The following TBC1D22A variants were observed in gnomAD, a reference collection of about 807,000 sequenced individuals.
The protein encoded by TBC1D22A is putative GTPase activator.
TBC1D22A carries 38 observed loss-of-function variants against 60.2 expected under a neutral mutation model. The ratio of observed to expected loss-of-function variants is 0.63; its 90% CI spans 0.49 to 0.83. The LOEUF (loss-of-function observed/expected upper bound fraction) is 0.83, where lower values mean the gene tolerates loss of function less well. TBC1D22A is among the 40% of genes least tolerant of loss of function. The probability of loss-of-function intolerance (pLI) is 0.00; values close to 1 mark genes in which losing one functional copy is unlikely to be tolerated. For missense variants in TBC1D22A, 628 were observed against 701.0 expected (o/e 0.90, Z 1.18); for synonymous variants, 302 against 281.7 (o/e 1.07, Z -0.72).
chr22:46,856,097 G>T (rs2087554978), intron 4 of TBC1D22A, among the ~76,000 whole-genome samples: 1 of 152,130 alleles, frequency 6.6e-6, no homozygotes, highest in Non-Finnish European at 1.5e-5. Flanking sequence ...GGTTTGTTCC[G>T]GGGGCTTCTA....
chr22:47,076,353 ATGTG>A (rs1288517301), intron 11 of TBC1D22A, among the ~76,000 whole-genome samples: 14 of 107,798 alleles, frequency 1.3e-4, no homozygotes, highest in African/African-American at 4.6e-4. Flanking sequence ...ATATATATAT[ATGTG>A]TGTGTATATA....
rs1323536011 is a variant in TBC1D22A at position 47,162,770 on chromosome 22, TGCGGACCCA to T, written c.1426-10726_1426-10718del. 1.1e-3 allele frequency among the ~76,000 whole-genome samples: 150 copies of T among 141,252 alleles called. 5 individuals are homozygous for T. Among genetic ancestry groups the T allele is most frequent in the South Asian group, 0.01 (45 of 4,486 alleles). 92.7% of individuals were successfully genotyped at this position (141,252 alleles called of 152,430 possible). ...GCAGGGAGAGTCGGGGGAGTGGGAC[TGCGGACCCA>T]GTGCAGGGAGAGTCGGGGGAGTGGG... is the stretch of plus-strand genomic sequence containing the variant. On this transcript the variant is annotated intron_variant, in intron 12 of 12. Coordinates refer to ENST00000337137, the MANE Select transcript of TBC1D22A (RefSeq NM_014346.5).
intron 4 of TBC1D22A, among the ~76,000 whole-genome samples, chr22:46,832,433 G>A (rs1390739203): frequency 6.6e-6 from 1 of 152,186 alleles, no homozygotes; most frequent in African/African-American, 2.4e-5. Flanking sequence ...AGTGGATCAC[G>A]AGGTCAGGAG....
chr22:46,768,916 A>C (rs2083389337), intron 1 of TBC1D22A, among the ~76,000 whole-genome samples: 1 of 152,018 alleles, frequency 6.6e-6, no homozygotes. Flanking sequence ...CAACATGGTG[A>C]AACCCCGTCT....
At chr22:47,043,151 C>A (rs956528840) in intron 11 of TBC1D22A, among the ~76,000 whole-genome samples, 1 of 152,236 alleles carries the variant, frequency 6.6e-6, no homozygotes, top group Non-Finnish European at 1.5e-5. Flanking sequence ...TCTCAGGCAC[C>A]TTTCAGGTGA....
chr22:46,915,880 G>A lies in TBC1D22A; in HGVS notation c.1015+3692G>A, dbSNP rs550204709. On this transcript the variant is annotated intron_variant, in intron 8 of 12. Transcript: ENST00000337137. ...AGCAGCTCTTCGGGAGTGGCTCATCGTTCTGGCTGTCAGTGGGAGGTTCCA... is the reference window on the plus strand; with the variant it reads ...AGCAGCTCTTCGGGAGTGGCTCATCATTCTGGCTGTCAGTGGGAGGTTCCA... 292 of 451,360 alleles carry A rather than the reference G, an allele frequency of 6.5e-4. 4 individuals are homozygous for A. Among genetic ancestry groups the A allele is most frequent in the South Asian group, 3.9e-3 (250 of 64,426 alleles). 28.0% of individuals were successfully genotyped at this position (451,360 alleles called of 1,614,324 possible).
chr22:47,115,705 C>G (rs2066017037), intron 12 of TBC1D22A: 1 of 152,250 alleles, frequency 6.6e-6, no homozygotes, highest in Admixed American at 6.5e-5. Flanking sequence ...CCCGCCCCTG[C>G]TGATTGGGCC....
At chr22:47,137,817 G>A (rs2066929450) in intron 12 of TBC1D22A, among the ~76,000 whole-genome samples, 1 of 152,182 alleles carries the variant, frequency 6.6e-6, no homozygotes, top group South Asian at 2.1e-4. Flanking sequence ...TGGGGAGTCG[G>A]GAGTGGAGAG....
At chr22:46,923,944 G>T (rs2070901148) in intron 8 of TBC1D22A, among the ~76,000 whole-genome samples, 1 of 152,072 alleles carries the variant, frequency 6.6e-6, no homozygotes, top group African/African-American at 2.4e-5. Flanking sequence ...CTTTCCTTTA[G>T]GCATGGTGTA....
intron 1 of TBC1D22A, among the ~76,000 whole-genome samples, chr22:46,763,523 G>C (rs2083183854): frequency 6.9e-6 from 1 of 144,488 alleles, no homozygotes; most frequent in African/African-American, 2.5e-5. Context: ...GCTATGCCAG[G>C]GCCCTAGGGA....
chr22:47,063,574 G>A (rs2063655523), intron 11 of TBC1D22A, among the ~76,000 whole-genome samples: 1 of 152,154 alleles, frequency 6.6e-6, no homozygotes, highest in Non-Finnish European at 1.5e-5. Context: ...ACTGTGTTGA[G>A]GGTGAGCCTG....
chr22:47,060,081 G>T (rs1379476368), intron 11 of TBC1D22A, among the ~76,000 whole-genome samples: 2 of 152,162 alleles, frequency 1.3e-5, no homozygotes, highest in Non-Finnish European at 2.9e-5. Flanking sequence ...GGACAGGACT[G>T]TGGCAGTTTA....
intron 1 of TBC1D22A, among the ~76,000 whole-genome samples, chr22:46,778,201 T>G (rs769483590): frequency 7.2e-5 from 11 of 152,132 alleles, no homozygotes; most frequent in African/African-American, 9.7e-5. Flanking sequence ...GTCCTCACTG[T>G]GCATCGTGTA....
chr22:46,843,309 T>C (rs995950636), intron 4 of TBC1D22A, among the ~76,000 whole-genome samples: 2 of 152,074 alleles, frequency 1.3e-5, no homozygotes, highest in Non-Finnish European at 1.5e-5. Context: ...GCTGTTGTTG[T>C]TGTCATTGAT....
At chr22:46,991,666 A>G (rs1051334246) in intron 9 of TBC1D22A, among the ~76,000 whole-genome samples, 2 of 152,102 alleles carry the variant, frequency 1.3e-5, no homozygotes, top group African/African-American at 4.8e-5. Context: ...TTTCTACATC[A>G]TCTTTCCGTG....
chr22:46,974,395 T>G lies in TBC1D22A; in HGVS notation c.1121T>G (p.Ile374Ser). The change falls in exon 9 of 13, where the codon ATT becomes AGT. Residue 374 changes from isoleucine to serine, a missense_variant. Ile to Ser is a moderately radical substitution (Grantham distance 142). Transcript: ENST00000337137. The stretch of plus-strand genomic sequence containing the variant: ...TGCATGAGCAAGCTGCTGGATGGCA[T>G]TCAGGTGAGCGCCCGCGCCCACGGG... ...YWCMSKLLDG[I>S]QDNYTFAQPG... is the part of the protein sequence containing the mutation. The G allele has an allele frequency of 6.2e-7, 1 of 1,609,736 alleles. No individual in the cohort carries two copies. The highest frequency in any genetic ancestry group is 1.7e-5 in the Admixed American group (1 of 59,628).
chr22:46,931,850 A>G (rs1485322032), intron 8 of TBC1D22A, among the ~76,000 whole-genome samples: 1 of 152,176 alleles, frequency 6.6e-6, no homozygotes, highest in Non-Finnish European at 1.5e-5. Context: ...GTTGCATGTT[A>G]TGCATAATTT....
intron 11 of TBC1D22A, among the ~76,000 whole-genome samples, chr22:47,038,226 G>A (rs1178166622): frequency 6.6e-6 from 1 of 152,150 alleles, no homozygotes; most frequent in South Asian, 2.1e-4. Context: ...TTTTCATCCC[G>A]GCACCTCAAG....
chr22:46,864,804 G>A (rs1260786774), intron 4 of TBC1D22A, among the ~76,000 whole-genome samples: 1 of 152,190 alleles, frequency 6.6e-6, no homozygotes, highest in Non-Finnish European at 1.5e-5. Context: ...TGGCTGGATT[G>A]ATTCCCACCT....
Sources: allele counts gnomAD v4.1 joint callset (sites outside exome capture counted in the v4.1 genomes callset), GRCh38; gene constraint gnomAD v4.1.1; transcripts MANE v1.5; gene names NCBI Gene and HGNC (gene_info 2026-07-23, HGNC 2026-07-21).